Variants in CENPL observed in about 807,000 individuals in gnomAD.
CENPL encodes the protein interphase centromere complex protein 33.
In CENPL, 20 loss-of-function variants were observed where a neutral mutation model predicts 35.2. That is an observed-to-expected ratio of 0.57 (90% CI 0.40 to 0.83). The LOEUF (loss-of-function observed/expected upper bound fraction) is 0.83, where lower values mean the gene tolerates loss of function less well. Ranked by LOEUF, CENPL falls within the 40% of genes least tolerant of loss-of-function variation. The probability of loss-of-function intolerance (pLI) is 0.00; values close to 1 mark genes in which losing one functional copy is unlikely to be tolerated. For missense variants in CENPL, 363 were observed against 395.8 expected (o/e 0.92, Z 0.70); for synonymous variants, 140 against 140.6 (o/e 1.00, Z 0.03).
At chr1:173,810,826 C>T (rs1571961698) in intron 3 of CENPL, among the ~76,000 whole-genome samples, 1 of 152,062 alleles carries the variant, frequency 6.6e-6, no homozygotes, top group Non-Finnish European at 1.5e-5. Flanking sequence ...GAGGCTGAGG[C>T]AGGAGAATGG....
intron 4 of CENPL, among the ~76,000 whole-genome samples, chr1:173,805,161 G>A (rs1194213517): frequency 1.3e-5 from 2 of 152,172 alleles, no homozygotes; most frequent in Non-Finnish European, 2.9e-5. Context: ...TGTGCATCAA[G>A]TGCTTCACTT....
chr1:173,803,358 C>T lies in CENPL; in HGVS notation c.568G>A (p.Glu190Lys), dbSNP rs1157071135. ...GTTCCAATTATTGCTGTGTTAGACT[C>T]TGCTCCATTTGCAAGGAATAAGGGC... Reference protein sequence around the residue: ...CLPLFLANGAESNTAIIGTWF... With the variant: ...CLPLFLANGAKSNTAIIGTWF... Residue 190 changes from glutamate to lysine, a missense_variant, in exon 5 of 6, where the codon GAG (glutamate) becomes AAG (lysine). Transcript: ENST00000682279. 3 of 1,614,130 alleles carry T rather than the reference C, an allele frequency of 1.9e-6. No homozygotes were observed. Among genetic ancestry groups the T allele is most frequent in the South Asian group, 1.1e-5 (1 of 91,084 alleles).
At chr1:173,810,238 T>C (rs1254416395) in intron 3 of CENPL, among the ~76,000 whole-genome samples, 2 of 152,176 alleles carry the variant, frequency 1.3e-5, no homozygotes, top group Non-Finnish European at 2.9e-5. Context: ...GAGGCCATTA[T>C]CCTTAGCCAA....
At chr1:173,815,420 G>C (rs999661891) in intron 2 of CENPL, among the ~76,000 whole-genome samples, 18 of 152,200 alleles carry the variant, frequency 1.2e-4, no homozygotes, top group African/African-American at 4.3e-4. Context: ...TGATGAACAT[G>C]GATGCAAAAA....
intron 2 of CENPL, among the ~76,000 whole-genome samples, chr1:173,819,596 C>A (rs1651746988): frequency 6.6e-6 from 1 of 152,118 alleles, no homozygotes; most frequent in African/African-American, 2.4e-5. Context: ...ATCTCAACAA[C>A]AACAACAAAA....
chr1:173,800,459 G>T lies in CENPL; in HGVS notation c.1024C>A (p.Gln342Lys). ...LAYLTELAIFQIE is the reference protein window; with the variant it reads ...LAYLTELAIFKIE Reference sequence around the variant, plus strand: ...GTCCACATAAGGCTTCACTCAATTTGAAAAATTGCCAGTTCTGTCAAATAT... The same window carrying T: ...GTCCACATAAGGCTTCACTCAATTTTAAAAATTGCCAGTTCTGTCAAATAT... Residue 342 changes from glutamine (Q) to lysine (K), a missense_variant, in exon 6 of 6, where the codon CAA becomes AAA. Gln to Lys is a moderately conservative substitution (Grantham distance 53). Transcript: ENST00000682279. 1.4e-6 allele frequency: 2 copies of T among 1,408,256 alleles called. No homozygotes were observed. Among genetic ancestry groups the T allele is most frequent in the Non-Finnish European group, 2.0e-6 (2 of 994,708 alleles). 87.2% of individuals were successfully genotyped at this position (1,408,256 alleles called of 1,614,324 possible).
chr1:173,802,427 C>A (rs1386982848), intron 5 of CENPL, among the ~76,000 whole-genome samples: 1 of 152,104 alleles, frequency 6.6e-6, no homozygotes, highest in African/African-American at 2.4e-5. Flanking sequence ...AGCATGGTCT[C>A]AATCTCCTGA....
At chr1:173,807,543 G>A in intron 3 of CENPL, 25 bp from the exon 4 acceptor site, 1 of 1,463,608 alleles carries the variant, frequency 6.8e-7, no homozygotes, top group Non-Finnish European at 9.1e-7. Context: ...CAAGACAAAA[G>A]AAGTTTAAGA....
chr1:173,816,886 T>A (rs1337008899), intron 2 of CENPL, among the ~76,000 whole-genome samples: 3 of 152,206 alleles, frequency 2.0e-5, no homozygotes, highest in African/African-American at 7.2e-5. Flanking sequence ...ACGCCTGTAA[T>A]CTCAGCACTT....
At chr1:173,807,142 G>T in intron 4 of CENPL, 125 bp downstream of exon 4, 2 of 703,126 alleles carry the variant, frequency 2.8e-6, no homozygotes, top group Non-Finnish European at 4.1e-6. Flanking sequence ...ACATGATTTT[G>T]TACACAAACT....
In CENPL at chr1:173,807,512, C is replaced by T. The variant is rs772398782; in HGVS notation, c.175G>A (p.Val59Ile). 16 of 1,460,902 alleles carry T rather than the reference C, an allele frequency of 1.1e-5. No homozygotes were observed. Among genetic ancestry groups the T allele is most frequent in the African/African-American group, 4.2e-5 (3 of 70,996 alleles). 90.5% of individuals were successfully genotyped at this position (1,460,902 alleles called of 1,614,324 possible). The part of the protein sequence containing the change: ...IPQCSQLQED[V>I]DPQKVAFLLH... ...AGGAATGCAACCTTTTGAGGGTCAA[C>T]ATCTTCCTATAAAAAAAAATCAAGA... The change falls in exon 4 of 6, where the codon GTT becomes ATT. Residue 59 changes from valine to isoleucine, a missense_variant. By Grantham distance (29) the Val-to-Ile change is conservative (BLOSUM62 3). Coordinates refer to ENST00000682279, the MANE Select transcript of CENPL (RefSeq NM_001387287.1).
intron 2 of CENPL, among the ~76,000 whole-genome samples, chr1:173,815,629 T>C (rs1185403930): frequency 6.6e-6 from 1 of 152,104 alleles, no homozygotes. Flanking sequence ...TTCAACAAAA[T>C]TCAATAGGCC....
At position 173,800,466 on chromosome 1, in the gene CENPL, T is replaced by G. The variant is rs746185006; in HGVS notation, c.1017A>C (p.Ala339=). The G allele has an allele frequency of 2.1e-6, 3 of 1,462,818 alleles. No individual in the cohort carries two copies. The South Asian group carries it at 3.4e-5, about 17-fold the overall frequency. The allele number at this position is 1,462,818 out of a possible 1,614,324, so 90.6% of individuals were successfully genotyped here. Residue 339 remains alanine (A), a synonymous_variant, in exon 6 of 6, where the codon GCA becomes GCC. Transcript: ENST00000682279. The part of the protein sequence containing the change: ...IGVLAYLTEL[A]IFQIE The stretch of plus-strand genomic sequence containing the variant: ...TAAGGCTTCACTCAATTTGAAAAAT[T>G]GCCAGTTCTGTCAAATATGCTAACA...
At chr1:173,803,578 G>T in intron 4 of CENPL, 73 bp from the exon 5 acceptor site, 1 of 1,362,752 alleles carries the variant, frequency 7.3e-7, no homozygotes, top group Non-Finnish European at 9.9e-7. Context: ...CTCAAAATTA[G>T]TTCATTAAAA....
chr1:173,815,303 A>G (rs1234599142), intron 2 of CENPL, among the ~76,000 whole-genome samples: 1 of 152,214 alleles, frequency 6.6e-6, no homozygotes, highest in Non-Finnish European at 1.5e-5. Context: ...TCCAATCAAC[A>G]GAAAAAGAGA....
rs528965924 is a variant in CENPL at position 173,803,488 on chromosome 1, T to A, written c.438A>T (p.Gln146His). The A allele has an allele frequency of 1.3e-6, 2 of 1,571,236 alleles. No homozygotes were observed. The highest frequency in any genetic ancestry group is 4.5e-5 in the East Asian group (2 of 44,178). Reference sequence around the variant, plus strand: ...TACCTTCTCTATTCTCAGATGGCAATTGAGATTTTGACACAATCTACAAAG... The same window carrying A: ...TACCTTCTCTATTCTCAGATGGCAAATGAGATTTTGACACAATCTACAAAG... ...AFLVQIVSKS[Q>H]LPSENREGKV... Residue 146 changes from glutamine to histidine, a missense_variant, in exon 5 of 6, where the codon CAA (glutamine) becomes CAT (histidine). Gln to His is a conservative substitution (Grantham distance 24). Transcript: ENST00000682279.
intron 4 of CENPL, among the ~76,000 whole-genome samples, chr1:173,806,996 T>A (rs572449450): frequency 6.6e-6 from 1 of 152,178 alleles, no homozygotes; most frequent in Non-Finnish European, 1.5e-5. Flanking sequence ...AATATCATAA[T>A]GTAAAAGTAT....
Position 173,800,387 on chromosome 1 carries a change from A to G in CENPL, c.*61T>C, listed in dbSNP as rs892956219. ...TTTCTCCTGCAGTCTCTTTCAGCAT[A>G]GCAATTAGGCAAGTTATCAATAAGA... On this transcript the variant is annotated 3_prime_UTR_variant, in exon 6 of 6. Transcript: ENST00000682279. 117 of 686,608 alleles carry G rather than the reference A, an allele frequency of 1.7e-4. No homozygotes were observed. Among genetic ancestry groups the G allele is most frequent in the Non-Finnish European group, 2.6e-4 (98 of 380,102 alleles). 42.5% of individuals were successfully genotyped at this position (686,608 alleles called of 1,614,324 possible).
At chr1:173,805,238 G>A (rs549776194) in intron 4 of CENPL, among the ~76,000 whole-genome samples, 1 of 152,210 alleles carries the variant, frequency 6.6e-6, no homozygotes, top group East Asian at 1.9e-4. Flanking sequence ...TCCCTTTATG[G>A]CTGGGCGAGA....
Sources: allele counts gnomAD v4.1 joint callset (sites outside exome capture counted in the v4.1 genomes callset), GRCh38; gene constraint gnomAD v4.1.1; transcripts MANE v1.5; gene names NCBI Gene and HGNC (gene_info 2026-07-23, HGNC 2026-07-21).